Variants in CLVS1 observed in about 807,000 individuals in gnomAD.
CLVS1 encodes the protein clavesin 1.
In CLVS1, 10 loss-of-function variants were observed where a neutral mutation model predicts 33.1. The observed-to-expected ratio is 0.30, with a 90% CI of 0.19 to 0.51. The LOEUF is 0.51. Among genes scored for constraint, CLVS1 ranks in the 20% least tolerant of loss-of-function variants. The pLI, the probability that CLVS1 is intolerant of heterozygous loss-of-function variation, is 0.97. For synonymous variants in CLVS1, 163 were observed against 166.1 expected, an observed-to-expected ratio of 0.98 and a Z score of 0.14; for missense variants, 343 against 433.4, an observed-to-expected ratio of 0.79 and a Z score of 1.85.
the CLVS1 span, among the ~76,000 whole-genome samples, chr8:61,008,576 C>G: frequency 6.6e-6 from 1 of 151,888 alleles, no homozygotes; most frequent in Non-Finnish European, 1.5e-5. Context: ...AAGTGACTCT[C>G]CTGCCTCAGC....
chr8:61,498,648 T>C (rs1410107676), intron 5 of CLVS1, among the ~76,000 whole-genome samples: 1 of 152,228 alleles, frequency 6.6e-6, no homozygotes, highest in Non-Finnish European at 1.5e-5. Flanking sequence ...TTACTAGTAT[T>C]GCAATAGTGG....
intron 2 of CLVS1, among the ~76,000 whole-genome samples, chr8:61,360,762 C>T (rs1812939972): frequency 1.3e-5 from 2 of 152,166 alleles, no homozygotes; most frequent in Non-Finnish European, 2.9e-5. Flanking sequence ...TAAACACAAG[C>T]TCTTTCACTG....
At chr8:61,203,876 A>G (rs1040229497) in intron 2 of CLVS1, among the ~76,000 whole-genome samples, 6 of 152,236 alleles carry the variant, frequency 3.9e-5, no homozygotes, top group Non-Finnish European at 8.8e-5. Context: ...TTGTAAATGC[A>G]ATGTGAATGA....
At chr8:61,129,876 G>A (rs1172034916) in intron 1 of CLVS1, among the ~76,000 whole-genome samples, 2 of 152,186 alleles carry the variant, frequency 1.3e-5, no homozygotes, top group African/African-American at 2.4e-5. Flanking sequence ...CTAAGACAAT[G>A]TTAATATATT....
At chr8:61,181,981 G>A (rs568647393) in intron 2 of CLVS1, among the ~76,000 whole-genome samples, 17 of 152,176 alleles carry the variant, frequency 1.1e-4, no homozygotes, top group South Asian at 1.0e-3. Flanking sequence ...GATTACAGGC[G>A]TGAGCCACCG....
At chr8:61,309,016 C>T (rs1810737594) in intron 2 of CLVS1, among the ~76,000 whole-genome samples, 1 of 152,162 alleles carries the variant, frequency 6.6e-6, no homozygotes. Context: ...TACATTCTTT[C>T]TTCAAGTCCC....
At chr8:61,073,826 C>T (rs1199491626) in intron 1 of CLVS1, among the ~76,000 whole-genome samples, 3 of 149,212 alleles carry the variant, frequency 2.0e-5, no homozygotes, top group Non-Finnish European at 3.0e-5. Context: ...TCCTGGCTAA[C>T]ACGGTGAAAC....
chr8:61,476,366 G>T (rs1438827575), intron 5 of CLVS1, among the ~76,000 whole-genome samples: 1 of 152,198 alleles, frequency 6.6e-6, no homozygotes, highest in Non-Finnish European at 1.5e-5. Context: ...GGATGGCGTT[G>T]AATCTGTAAA....
At chr8:61,421,701 A>AC (rs1416914920) in intron 3 of CLVS1, among the ~76,000 whole-genome samples, 5 of 152,396 alleles carry the variant, frequency 3.3e-5, no homozygotes, top group Admixed American at 1.3e-4. Flanking sequence ...TTATAGGACC[A>AC]ACTTCACAGC....
chr8:61,200,279 G>T (rs146681023), intron 2 of CLVS1, among the ~76,000 whole-genome samples: 1 of 150,054 alleles, frequency 6.7e-6, no homozygotes, highest in African/African-American at 2.5e-5. Context: ...CCACCATGCC[G>T]GCTAATTTTT....
intron 2 of CLVS1, among the ~76,000 whole-genome samples, chr8:61,250,971 G>C (rs1585722317): frequency 1.3e-5 from 2 of 152,346 alleles, no homozygotes; most frequent in South Asian, 4.1e-4. Flanking sequence ...AGTGGTGAGA[G>C]AGGGCATCCT....
At chr8:61,095,966 A>G (rs1805344516) in intron 1 of CLVS1, among the ~76,000 whole-genome samples, 1 of 152,216 alleles carries the variant, frequency 6.6e-6, no homozygotes, top group South Asian at 2.1e-4. Flanking sequence ...TATTGCATCC[A>G]TATAGATTTC....
chr8:61,221,476 A>G (rs1340681239), intron 2 of CLVS1, among the ~76,000 whole-genome samples: 4 of 152,194 alleles, frequency 2.6e-5, no homozygotes, highest in African/African-American at 7.2e-5. Flanking sequence ...TGTTTATGTG[A>G]TGGATTACAT....
chr8:61,387,714 G>T (rs1814144613), intron 3 of CLVS1, among the ~76,000 whole-genome samples: 1 of 152,100 alleles, frequency 6.6e-6, no homozygotes, highest in South Asian at 2.1e-4. Flanking sequence ...ACATTTATGA[G>T]TGAGAGCATA....
chr8:61,194,716 A>G (rs1298935500), intron 2 of CLVS1, among the ~76,000 whole-genome samples: 1 of 151,834 alleles, frequency 6.6e-6, no homozygotes, highest in Non-Finnish European at 1.5e-5. Flanking sequence ...TATGTATATA[A>G]ATTCATATTT....
rs146113883 is a variant in CLVS1, at chr8:61,455,614, T to G, written c.741+1363T>G. 7.4e-4 allele frequency among the ~76,000 whole-genome samples: 112 copies of G among 152,344 alleles called. 1 individual carries two copies. The highest frequency in any genetic ancestry group is 2.7e-3 in the African/African-American group (112 of 41,586). Reference sequence around the variant, plus strand: ...TCTGTTAATGGACACTTAGGTTGTATCCATATCTTGGCTATTATGAATAAT... The same window carrying G: ...TCTGTTAATGGACACTTAGGTTGTAGCCATATCTTGGCTATTATGAATAAT... On this transcript the variant is annotated intron_variant, in intron 4 of 5. Transcript: ENST00000325897.
intron 2 of CLVS1, among the ~76,000 whole-genome samples, chr8:61,277,226 A>G (rs1426946432): frequency 6.6e-6 from 1 of 152,188 alleles, no homozygotes; most frequent in African/African-American, 2.4e-5. Context: ...GCATTTTCCT[A>G]GGATGAGGAG....
intron 1 of CLVS1, among the ~76,000 whole-genome samples, chr8:61,077,802 C>T (rs1804949669): frequency 6.6e-6 from 1 of 152,236 alleles, no homozygotes; most frequent in Admixed American, 6.5e-5. Flanking sequence ...GAGCACAGGG[C>T]TGCCCATGAG....
At chr8:61,219,318 G>A (rs1808160320) in intron 2 of CLVS1, among the ~76,000 whole-genome samples, 1 of 151,938 alleles carries the variant, frequency 6.6e-6, no homozygotes, top group Non-Finnish European at 1.5e-5. Context: ...CCACCAACAG[G>A]CCTTGGTATG....
Sources: allele counts gnomAD v4.1 joint callset (sites outside exome capture counted in the v4.1 genomes callset), GRCh38; gene constraint gnomAD v4.1.1; transcripts MANE v1.5; gene names NCBI Gene and HGNC (gene_info 2026-07-23, HGNC 2026-07-21).